The following WDR35 variants were observed in gnomAD, a reference collection of about 807,000 sequenced individuals.
WDR35 encodes WD repeat domain 35.
WDR35 carries 118 observed loss-of-function variants against 158.3 expected under a neutral mutation model. The observed-to-expected ratio is 0.75, with a 90% CI of 0.64 to 0.87. WDR35 has a LOEUF of 0.87. Among genes scored for constraint, WDR35 ranks in the 40% least tolerant of loss-of-function variants. The probability of loss-of-function intolerance (pLI) is 0.00; values close to 1 mark genes in which losing one functional copy is unlikely to be tolerated. For missense variants in WDR35, 1,263 were observed against 1,405.8 expected, an observed-to-expected ratio of 0.90 and a Z score of 1.62; for synonymous variants, 448 against 476.1, an observed-to-expected ratio of 0.94 and a Z score of 0.77.
rs74770304 is a variant in WDR35, at chr2:19,938,883, C to T, written c.1927-482G>A. On this transcript the variant is annotated intron_variant, in intron 17 of 26. Transcript: ENST00000281405. ...TAACTCTTTTCTGGCAACTGAATTA[C>T]TTATCCATCTCCTCAACTCCTCTAC... Among the ~76,000 whole-genome samples the T allele has an allele frequency of 9.8e-4, 150 of 152,330 alleles. 2 individuals carry two copies. The East Asian group carries it at 0.024, about 24-fold the overall frequency.
Position 19,936,327 on chromosome 2 carries a change from C to T in WDR35, c.2306G>A (p.Trp769Ter), listed in dbSNP as rs779275391. 1.9e-6 allele frequency: 3 copies of T among 1,613,984 alleles called. No homozygotes were observed. The highest frequency in any genetic ancestry group is 2.5e-6 in the Non-Finnish European group (3 of 1,179,932). ...AIGLRLKLGD[W>*]FRVLQLLKTG... is the part of the protein sequence containing the mutation. ...TTTCAGGAGCTGGAGTACTCTAAAC[C>T]AATCCCCCAATTTCAGCCGGAGGCC... The change falls in exon 20 of 27, where the codon TGG (tryptophan) becomes TAG (stop). Residue 769 changes from tryptophan to a stop codon, truncating the protein, a stop_gained. Coordinates refer to ENST00000281405, the MANE Select transcript of WDR35 (RefSeq NM_020779.4). LOFTEE classifies it high-confidence loss of function.
chr2:19,968,519 T>C (rs1484732147), intron 9 of WDR35, among the ~76,000 whole-genome samples: 1 of 152,186 alleles, frequency 6.6e-6, no homozygotes, highest in African/African-American at 2.4e-5. Context: ...AAATAATACA[T>C]CATTTATTTT....
chr2:19,988,597 GATTTAACTCCA>G (rs1399961223), intron 2 of WDR35, among the ~76,000 whole-genome samples: 10 of 152,194 alleles, frequency 6.6e-5, no homozygotes, highest in African/African-American at 2.2e-4. Context: ...GAAGAGCTGA[GATTTAACTCCA>G]ATTACCTTAT....
chr2:19,946,321 TATAAA>T (rs1671051169), intron 15 of WDR35, 135 bp downstream of exon 15: 2 of 794,540 alleles, frequency 2.5e-6, no homozygotes, highest in African/African-American at 1.7e-5. Context: ...CCAAATGCAG[TATAAA>T]ATAAAACCAT....
Position 19,957,696 on chromosome 2 carries a change from G to A in WDR35, c.1255+2858C>T, listed in dbSNP as rs531715290. ...GCCTCCCAAGTAGCTGGGATTACAGGTGCATGCCACCATGTCTGGCTAATT... is the reference window on the plus strand; with the variant it reads ...GCCTCCCAAGTAGCTGGGATTACAGATGCATGCCACCATGTCTGGCTAATT... On this transcript the variant is annotated intron_variant, in intron 11 of 26. Coordinates refer to ENST00000281405, the MANE Select transcript of WDR35 (RefSeq NM_020779.4). Among the ~76,000 whole-genome samples the A allele has an allele frequency of 4.6e-3, 698 of 152,116 alleles. 5 individuals are homozygous for A. Among genetic ancestry groups the A allele is most frequent in the Non-Finnish European group, 6.6e-3 (446 of 68,004 alleles).
intron 16 of WDR35, among the ~76,000 whole-genome samples, chr2:19,945,300 A>G (rs535632067): frequency 1.3e-5 from 2 of 152,318 alleles, no homozygotes; most frequent in African/African-American, 4.8e-5. Context: ...ATCTGGGTTA[A>G]GAAAGAACAC....
In WDR35 at chr2:19,938,271, C is replaced by A; in HGVS notation, c.2057G>T (p.Arg686Leu). Residue 686 changes from arginine to leucine, a missense_variant, in exon 18 of 27, where the codon CGA (arginine) becomes CTA (leucine). Transcript: ENST00000281405. ...SQFIEDNPHP[R>L]LWRLLAEAAL... Reference sequence around the variant, plus strand: ...GTTTGCTTTTTTTAAATACCAAAGTCGGGGGTGTGGATTGTCCTCTATGAA... The same window carrying A: ...GTTTGCTTTTTTTAAATACCAAAGTAGGGGGTGTGGATTGTCCTCTATGAA... 6.2e-7 allele frequency: 1 copy of A among 1,613,918 alleles called. No homozygotes were observed. The highest frequency in any genetic ancestry group is 1.3e-5 in the African/African-American group (1 of 74,998).
intron 4 of WDR35, among the ~76,000 whole-genome samples, chr2:19,979,492 T>C (rs1672316895): frequency 6.6e-6 from 1 of 152,220 alleles, no homozygotes; most frequent in Admixed American, 6.5e-5. Context: ...AAAAATATTC[T>C]AGTTGTATGC....
At chr2:19,988,396 G>A (rs1483300945) in intron 2 of WDR35, among the ~76,000 whole-genome samples, 1 of 152,136 alleles carries the variant, frequency 6.6e-6, no homozygotes, top group African/African-American at 2.4e-5. Context: ...ATTGTGTGGG[G>A]GTAGAGCATG....
intron 2 of WDR35, among the ~76,000 whole-genome samples, chr2:19,986,204 G>C (rs1351280473): frequency 2.0e-5 from 3 of 152,202 alleles, no homozygotes; most frequent in Admixed American, 1.3e-4. Context: ...AGAATTGAAA[G>C]AGATTTGGAA....
chr2:19,989,171 G>A lies in WDR35; in HGVS notation c.136C>T (p.Gln46Ter), dbSNP rs767788330. Residue 46 changes from glutamine to a stop codon, truncating the protein, a stop_gained, in exon 2 of 27, where the codon CAG (glutamine) becomes TAG (stop). Transcript: ENST00000281405. LOFTEE classifies it high-confidence loss of function. The stretch of plus-strand genomic sequence containing the variant: ...TGGGCTTGCATTCATTTACCTGTCT[G>A]CGTCTCTAATTTCAAAACTTTCAGT... ...GLLKVLKLETQTDDAKLRGLA... is the reference protein window; with the variant it reads ...GLLKVLKLET 1.2e-5 allele frequency: 19 copies of A among 1,613,880 alleles called. No individual in the cohort carries two copies. The highest frequency in any genetic ancestry group is 1.5e-5 in the Non-Finnish European group (18 of 1,179,886).
intron 19 of WDR35, 22 bp downstream of exon 19, chr2:19,937,721 T>A (rs780921529): frequency 3.7e-6 from 6 of 1,614,060 alleles, no homozygotes; most frequent in South Asian, 2.2e-5. Context: ...TACTCAGGGA[T>A]GCCTGCGCCT....
At chr2:19,940,277 G>T (rs1670832109) in intron 17 of WDR35, among the ~76,000 whole-genome samples, 2 of 151,894 alleles carry the variant, frequency 1.3e-5, no homozygotes, top group African/African-American at 4.8e-5. Flanking sequence ...TGAGATGGGA[G>T]GATCACTTGA....
chr2:19,927,742 C>T (rs1670401460), intron 25 of WDR35, among the ~76,000 whole-genome samples: 2 of 152,216 alleles, frequency 1.3e-5, no homozygotes, highest in South Asian at 4.1e-4. Context: ...ATATTCAAAG[C>T]ATCCCAGGGA....
At chr2:19,964,381 C>CTTTTTTTTTTTTTTTTT (rs558586617) in intron 10 of WDR35, among the ~76,000 whole-genome samples, 4 of 113,430 alleles carry the variant, frequency 3.5e-5, no homozygotes, top group Non-Finnish European at 7.0e-5. Flanking sequence ...CTTTTCTTTT[C>CTTTTTTTTTTTTTTTTT]TTTTTTTTTT....
chr2:19,935,831 C>A (rs1163134334), intron 20 of WDR35, among the ~76,000 whole-genome samples: 1 of 151,494 alleles, frequency 6.6e-6, no homozygotes, highest in Non-Finnish European at 1.5e-5. Context: ...GCTTTACTCC[C>A]AAACACTGAC....
At chr2:19,919,380 C>CAAAAAAAAA (rs1302042752) in intron 25 of WDR35, among the ~76,000 whole-genome samples, 1 of 48,212 alleles carries the variant, frequency 2.1e-5, no homozygotes, top group African/African-American at 6.6e-5. Flanking sequence ...GGCTCCATCT[C>CAAAAAAAAA]AAAAAAAAAA....
chr2:19,921,439 C>A (rs1028523694), intron 25 of WDR35, among the ~76,000 whole-genome samples: 2 of 152,182 alleles, frequency 1.3e-5, no homozygotes, highest in Non-Finnish European at 2.9e-5. Context: ...CTACAACCAT[C>A]TGATCTTTGA....
chr2:19,945,037 T>G (rs1298947621), intron 16 of WDR35, among the ~76,000 whole-genome samples: 1 of 152,106 alleles, frequency 6.6e-6, no homozygotes, highest in Non-Finnish European at 1.5e-5. Flanking sequence ...AATTCAAAAG[T>G]CATTTAAAAG....
Sources: gnomAD v4.1 joint callset for allele counts (sites outside exome capture counted in the v4.1 genomes callset) on GRCh38, gnomAD v4.1.1 for gene constraint, MANE v1.5 for transcripts, NCBI Gene and HGNC (gene_info 2026-07-23, HGNC 2026-07-21) for gene names.